Variants in TANC2 observed in about 807,000 individuals in gnomAD.
The protein encoded by TANC2 is tetratricopeptide repeat, ankyrin repeat and coiled-coil containing 2.
TANC2 carries 26 observed loss-of-function variants against 210.5 expected under a neutral mutation model. The observed-to-expected ratio is 0.12, with a 90% CI of 0.09 to 0.17. The LOEUF (loss-of-function observed/expected upper bound fraction) is 0.17, where lower values mean the gene tolerates loss of function less well. Ranked by LOEUF, TANC2 falls within the 10% of genes least tolerant of loss-of-function variation. The pLI, the probability that TANC2 is intolerant of heterozygous loss-of-function variation, is 1.00. For missense variants in TANC2, 2,129 were observed against 2,608.9 expected (o/e 0.82, Z 4.01); for synonymous variants, 931 against 967.1 (o/e 0.96, Z 0.69).
intron 7 of TANC2, among the ~76,000 whole-genome samples, chr17:63,230,736 A>G (rs2042452702): frequency 6.6e-6 from 1 of 152,136 alleles, no homozygotes; most frequent in Middle Eastern, 3.2e-3. Context: ...AGAAGAATGT[A>G]TATTCTGTTG....
intron 5 of TANC2, among the ~76,000 whole-genome samples, chr17:63,189,409 C>T (rs1248023463): frequency 6.6e-6 from 1 of 152,174 alleles, no homozygotes; most frequent in South Asian, 2.1e-4. Flanking sequence ...CAATAAATTT[C>T]ACTATTTCTT....
At chr17:63,177,047 T>A (rs926499709) in intron 5 of TANC2, among the ~76,000 whole-genome samples, 1 of 151,722 alleles carries the variant, frequency 6.6e-6, no homozygotes, top group Admixed American at 6.6e-5. Context: ...GCGGATCACT[T>A]GAGGTCAGGA....
intron 14 of TANC2, among the ~76,000 whole-genome samples, chr17:63,359,123 G>A (rs939562630): frequency 1.3e-5 from 2 of 151,760 alleles, no homozygotes; most frequent in African/African-American, 4.8e-5. Flanking sequence ...GAGTGCAGTG[G>A]CACAGTCACG....
At chr17:63,016,217 G>GA (rs1555754142) in intron 2 of TANC2, among the ~76,000 whole-genome samples, 1 of 152,018 alleles carries the variant, frequency 6.6e-6, no homozygotes, top group Non-Finnish European at 1.5e-5. Context: ...TTTCCAATTA[G>GA]AAAAAAATTT....
At chr17:63,010,621 A>G (rs959621595) in intron 2 of TANC2, among the ~76,000 whole-genome samples, 1 of 152,132 alleles carries the variant, frequency 6.6e-6, no homozygotes, top group African/African-American at 2.4e-5. Context: ...CACTTCAGAC[A>G]CCAATTGCGT....
intron 8 of TANC2, among the ~76,000 whole-genome samples, chr17:63,254,900 C>T (rs1345414417): frequency 6.6e-6 from 1 of 151,884 alleles, no homozygotes; most frequent in Middle Eastern, 3.2e-3. Context: ...AGGATTTTTG[C>T]ATCAGTGTTC....
intron 5 of TANC2, among the ~76,000 whole-genome samples, chr17:63,166,715 T>C (rs2040222632): frequency 6.6e-6 from 1 of 152,200 alleles, no homozygotes; most frequent in Non-Finnish European, 1.5e-5. Flanking sequence ...AAAGCTGGCA[T>C]CTTTAGGTAT....
chr17:63,314,613 G>T, exon 10 of TANC2: 6 of 1,613,942 alleles, frequency 3.7e-6, no homozygotes, highest in South Asian at 3.3e-5. Flanking sequence ...GCCCTCAGCT[G>T]CCATGGTACA....
At chr17:63,062,007 A>G (rs955520152) in intron 2 of TANC2, among the ~76,000 whole-genome samples, 7 of 152,140 alleles carry the variant, frequency 4.6e-5, no homozygotes, top group African/African-American at 1.7e-4. Flanking sequence ...TGTGTTATCT[A>G]ATTTTCTTAA....
At chr17:62,971,531 T>G (rs567021742) in intron 1 of TANC2, among the ~76,000 whole-genome samples, 1 of 152,356 alleles carries the variant, frequency 6.6e-6, no homozygotes, top group African/African-American at 2.4e-5. Flanking sequence ...TGTTTCACTC[T>G]GTTGTCCAGG....
chr17:63,021,875 A>G (rs768561691), intron 2 of TANC2, among the ~76,000 whole-genome samples: 2 of 152,228 alleles, frequency 1.3e-5, no homozygotes, highest in Non-Finnish European at 2.9e-5. Context: ...ATAAGTGGTC[A>G]TGAGCAGAAT....
At chr17:63,144,973 T>G (rs895578806) in intron 4 of TANC2, among the ~76,000 whole-genome samples, 1 of 152,136 alleles carries the variant, frequency 6.6e-6, no homozygotes, top group Admixed American at 6.5e-5. Flanking sequence ...ATTTTTCACT[T>G]TTATCTACCC....
chr17:63,232,651 G>A (rs1057113397), intron 7 of TANC2, among the ~76,000 whole-genome samples: 3 of 152,210 alleles, frequency 2.0e-5, no homozygotes, highest in Admixed American at 6.5e-5. Flanking sequence ...CATCCCAGAG[G>A]GGCACTGACC....
intron 15 of TANC2, among the ~76,000 whole-genome samples, chr17:63,382,396 G>A (rs1004419297): frequency 2.0e-5 from 3 of 152,102 alleles, no homozygotes; most frequent in African/African-American, 7.2e-5. Flanking sequence ...AAGCTACCAA[G>A]TGTGACTTCC....
intron 4 of TANC2, among the ~76,000 whole-genome samples, chr17:63,133,521 TG>T (rs1235409047): frequency 1.3e-5 from 2 of 152,212 alleles, no homozygotes; most frequent in Non-Finnish European, 2.9e-5. Context: ...TTGTTTTCTT[TG>T]TTAATGCAAG....
At chr17:63,347,784 C>A (rs541146508) in intron 12 of TANC2, among the ~76,000 whole-genome samples, 3 of 152,026 alleles carry the variant, frequency 2.0e-5, no homozygotes, top group Non-Finnish European at 2.9e-5. Flanking sequence ...TGTTTTGTTT[C>A]GTTTTGTTGG....
In TANC2 at chr17:63,191,704, C is replaced by G. The variant is rs1324912834; in HGVS notation, c.434-2287C>G. ...TCTTGAACTCCTGGGCTCAAGTGAT[C>G]AACCTGCCTCGGCATCCCAAAGTGC... On this transcript the variant is annotated intron_variant, in intron 5 of 27. Coordinates refer to ENST00000689528, the Ensembl canonical transcript of TANC2. Among the ~76,000 whole-genome samples, 3 of 152,100 alleles carry G rather than the reference C, an allele frequency of 2.0e-5. No individual in the cohort carries two copies. The South Asian group carries it at 6.2e-4, about 32-fold the overall frequency.
chr17:63,140,941 G>C (rs2039267265), intron 4 of TANC2, among the ~76,000 whole-genome samples: 1 of 151,936 alleles, frequency 6.6e-6, no homozygotes, highest in South Asian at 2.1e-4. Flanking sequence ...GTAGAGATGG[G>C]GTTTCGCCAT....
At chr17:63,302,950 GAC>G (rs1453870089) in intron 9 of TANC2, among the ~76,000 whole-genome samples, 1 of 151,994 alleles carries the variant, frequency 6.6e-6, no homozygotes, top group Non-Finnish European at 1.5e-5. Context: ...TTTTAGTAGA[GAC>G]AGTTTCGCCA....
Sources: gnomAD v4.1 joint callset for allele counts (sites outside exome capture counted in the v4.1 genomes callset) on GRCh38, gnomAD v4.1.1 for gene constraint, MANE v1.5 for transcripts, NCBI Gene and HGNC (gene_info 2026-07-23, HGNC 2026-07-21) for gene names.